Variants in XDH observed in about 807,000 individuals in gnomAD.
The protein encoded by XDH is xanthine dehydrogenase/oxidase.
Under a neutral mutation model 156.1 loss-of-function variants are expected in XDH, and 138 were observed. The ratio of observed to expected loss-of-function variants is 0.88; its 90% CI spans 0.77 to 1.02. XDH has a LOEUF of 1.02. Ranked by LOEUF, XDH falls within the 50% of genes least tolerant of loss-of-function variation. The pLI is 0.00. For missense variants in XDH, 1,849 were observed against 1,684.9 expected (o/e 1.10, Z -1.71); for synonymous variants, 669 against 625.7 (o/e 1.07, Z -1.03).
chr2:31,360,282 G>A (rs1364180713), intron 24 of XDH, among the ~76,000 whole-genome samples: 3 of 152,168 alleles, frequency 2.0e-5, no homozygotes, highest in Admixed American at 6.5e-5. Context: ...TGGATCACCC[G>A]AGGTCAGAAG....
chr2:31,346,274 G>A (rs757546121), intron 30 of XDH, among the ~76,000 whole-genome samples: 1 of 152,164 alleles, frequency 6.6e-6, no homozygotes, highest in Non-Finnish European at 1.5e-5. Flanking sequence ...CTTATCATAA[G>A]TGCTTGTTCT....
chr2:31,366,245 C>A, intron 21 of XDH, 136 bp from the exon 22 acceptor site: 3 of 1,516,326 alleles, frequency 2.0e-6, no homozygotes, highest in Non-Finnish European at 1.8e-6. Context: ...AAATCCCATG[C>A]AGCTTTGTGG....
At chr2:31,349,099 C>G (rs890524668) in intron 26 of XDH, 119 bp from the exon 27 acceptor site, 2 of 947,114 alleles carry the variant, frequency 2.1e-6, no homozygotes, top group African/African-American at 1.6e-5. Context: ...TGAGAACAGT[C>G]AGCTGGTGCA....
chr2:31,342,389 A>AC, intron 31 of XDH, 92 bp from the exon 32 acceptor site: 1 of 1,151,036 alleles, frequency 8.7e-7, no homozygotes, highest in Non-Finnish European at 1.3e-6. Flanking sequence ...ACATCTTTAA[A>AC]CCCCACAAGT....
chr2:31,355,205 A>C (rs1355647100), intron 24 of XDH, among the ~76,000 whole-genome samples: 1 of 152,188 alleles, frequency 6.6e-6, no homozygotes, highest in Non-Finnish European at 1.5e-5. Context: ...GGAACAAGGA[A>C]AAAAATCAAG....
intron 24 of XDH, among the ~76,000 whole-genome samples, chr2:31,360,104 C>T (rs752012677): frequency 3.3e-5 from 5 of 152,202 alleles, no homozygotes; most frequent in African/African-American, 7.2e-5. Flanking sequence ...AGCAGTAACC[C>T]CCTTTATCTG....
At chr2:31,395,747 T>C (rs1329083492) in intron 6 of XDH, among the ~76,000 whole-genome samples, 1 of 152,226 alleles carries the variant, frequency 6.6e-6, no homozygotes. Context: ...GTCTCTCCAA[T>C]TTTTTGGACA....
intron 1 of XDH, among the ~76,000 whole-genome samples, 170 bp from the exon 2 acceptor site, chr2:31,406,134 T>C (rs1222459405): frequency 6.6e-6 from 1 of 152,206 alleles, no homozygotes; most frequent in Non-Finnish European, 1.5e-5. Context: ...TCCCCAGTGT[T>C]GAAGGTGGGG....
intron 24 of XDH, 93 bp downstream of exon 24, chr2:31,364,065 G>C (rs913818677): frequency 2.5e-6 from 3 of 1,193,872 alleles, no homozygotes; most frequent in African/African-American, 1.5e-5. Context: ...TGCAACAGTA[G>C]CAAGCAGGGA....
intron 2 of XDH, 148 bp downstream of exon 2, chr2:31,405,759 A>T (rs758991600): frequency 1.2e-6 from 1 of 824,862 alleles, no homozygotes; most frequent in Non-Finnish European, 2.1e-6. Context: ...AGGTGCAACT[A>T]AAATGCAAGT....
At chr2:31,408,941 G>A (rs923904715) in intron 1 of XDH, among the ~76,000 whole-genome samples, 6 of 152,216 alleles carry the variant, frequency 3.9e-5, no homozygotes, top group Non-Finnish European at 4.4e-5. Context: ...ACACACTGGA[G>A]TGCTATTTAG....
rs1553411662 is a variant in XDH, at chr2:31,343,310, A to ATATATATATGCATGTT, written c.3405-1014_3405-1013insAACATGCATATATATA. On this transcript the variant is annotated intron_variant, in intron 31 of 35. Coordinates refer to ENST00000379416, the MANE Select transcript of XDH (RefSeq NM_000379.4). ...CATATATATATATATATATATATAT[A>ATATATATATGCATGTT]TATATATATATATATATGCATGTTT... is the stretch of plus-strand genomic sequence containing the variant. Among the ~76,000 whole-genome samples the ATATATATATGCATGTT allele has an allele frequency of 1.9e-3, 199 of 102,158 alleles. 2 individuals are homozygous for ATATATATATGCATGTT. Among genetic ancestry groups the ATATATATATGCATGTT allele is most frequent in the African/African-American group, 5.1e-3 (111 of 21,744 alleles). The allele number at this position is 102,158 out of a possible 152,430, so 67.0% of individuals were successfully genotyped here.
At chr2:31,357,816 T>C (rs1221451444) in intron 24 of XDH, among the ~76,000 whole-genome samples, 2 of 152,070 alleles carry the variant, frequency 1.3e-5, no homozygotes, top group Non-Finnish European at 2.9e-5. Flanking sequence ...CAAAACATCA[T>C]ATGTATCCTA....
At chr2:31,392,063 T>C (rs1686779921) in intron 6 of XDH, among the ~76,000 whole-genome samples, 1 of 152,216 alleles carries the variant, frequency 6.6e-6, no homozygotes, top group Non-Finnish European at 1.5e-5. Context: ...ATTGTTTTAT[T>C]TCATCTAGGT....
At chr2:31,354,249 G>A (rs1157866967) in intron 24 of XDH, among the ~76,000 whole-genome samples, 4 of 152,200 alleles carry the variant, frequency 2.6e-5, no homozygotes, top group East Asian at 1.9e-4. Flanking sequence ...CACTGCTAGA[G>A]CAAGGTCAGA....
chr2:31,343,168 TA>T (rs1222463881), intron 31 of XDH, among the ~76,000 whole-genome samples: 1 of 151,612 alleles, frequency 6.6e-6, no homozygotes, highest in Non-Finnish European at 1.5e-5. Context: ...TTGACCTTTA[TA>T]AAACCTTAGT....
intron 1 of XDH, among the ~76,000 whole-genome samples, chr2:31,409,453 T>C (rs1343772330): frequency 6.6e-6 from 1 of 152,156 alleles, no homozygotes; most frequent in Non-Finnish European, 1.5e-5. Flanking sequence ...ATTAAAGGTC[T>C]TTCCATCTCC....
chr2:31,343,306 A>ATG (rs1484864743), intron 31 of XDH, among the ~76,000 whole-genome samples: 1 of 107,172 alleles, frequency 9.3e-6, no homozygotes, highest in Non-Finnish European at 2.0e-5. Flanking sequence ...ATATATATAT[A>ATG]TATATATATA....
chr2:31,344,738 T>A lies in XDH; in HGVS notation c.3352-2A>T. ...TGTGTCCATGTAGGCAGCTGTGACC[T>A]GAGGAGAGGAGATGGCCATCAGGCA... On this transcript the variant is annotated splice_acceptor_variant, in intron 30 of 35. Coordinates refer to ENST00000379416, the MANE Select transcript of XDH (RefSeq NM_000379.4). LOFTEE classifies it high-confidence loss of function. The A allele has an allele frequency of 6.2e-7, 1 of 1,614,068 alleles. No individual in the cohort carries two copies. The highest frequency in any genetic ancestry group is 8.5e-7 in the Non-Finnish European group (1 of 1,180,002).
Sources: allele counts gnomAD v4.1 joint callset (sites outside exome capture counted in the v4.1 genomes callset), GRCh38; gene constraint gnomAD v4.1.1; transcripts MANE v1.5; gene names NCBI Gene and HGNC (gene_info 2026-07-23, HGNC 2026-07-21).